The following SYNPO2 variants were observed in gnomAD, a reference collection of about 807,000 sequenced individuals.
SYNPO2 encodes the protein synaptopodin 2, also known as synaptopodin-2.
Under a neutral mutation model 85.0 loss-of-function variants are expected in SYNPO2, and 56 were observed. The ratio of observed to expected loss-of-function variants is 0.66; its 90% CI spans 0.53 to 0.82. The LOEUF is 0.82. SYNPO2 is among the 40% of genes least tolerant of loss of function. The pLI is 0.00. For missense variants in SYNPO2, 1,575 were observed against 1,534.2 expected, an observed-to-expected ratio of 1.03 and a Z score of -0.44; for synonymous variants, 602 against 591.1, an observed-to-expected ratio of 1.02 and a Z score of -0.27.
chr4:118,927,776 T>TGATAGATAGATA (rs70944822), intron 1 of SYNPO2, among the ~76,000 whole-genome samples: 15,445 of 101,982 alleles, frequency 0.15, 1,693 homozygotes, highest in East Asian at 0.3. Flanking sequence ...GATAGATAGA[T>TGATAGATAGATA]GATAGATAGA....
intron 1 of SYNPO2, among the ~76,000 whole-genome samples, chr4:118,980,937 A>C (rs1301474663): frequency 6.6e-6 from 1 of 152,216 alleles, no homozygotes; most frequent in African/African-American, 2.4e-5. Flanking sequence ...ACTTGCTCAC[A>C]GTCACATACC....
At chr4:118,917,874 A>C (rs1396449883) in intron 1 of SYNPO2, among the ~76,000 whole-genome samples, 1 of 152,220 alleles carries the variant, frequency 6.6e-6, no homozygotes, top group Non-Finnish European at 1.5e-5. Flanking sequence ...ATGTAAGGAG[A>C]ATAACATGAT....
intron 1 of SYNPO2, among the ~76,000 whole-genome samples, chr4:119,020,734 T>C (rs1431721371): frequency 6.6e-6 from 1 of 152,200 alleles, no homozygotes. Flanking sequence ...ATTACCTACC[T>C]AATTTTTTTT....
intron 1 of SYNPO2, among the ~76,000 whole-genome samples, chr4:118,855,626 C>T (rs1196920651): frequency 6.6e-6 from 1 of 151,476 alleles, no homozygotes. Context: ...TTGCCAGTAA[C>T]TTTGTGAAGC....
At chr4:119,000,692 C>T (rs1428314070) in intron 1 of SYNPO2, among the ~76,000 whole-genome samples, 1 of 152,130 alleles carries the variant, frequency 6.6e-6, no homozygotes, top group African/African-American at 2.4e-5. Flanking sequence ...ATCTGAGTTG[C>T]CAGGGCTGGA....
rs28556653 is a variant in SYNPO2, at chr4:118,949,923, A to G, written c.105+60782A>G. On this transcript the variant is annotated intron_variant, in intron 1 of 4. Coordinates refer to ENST00000307142, the MANE Select transcript of SYNPO2 (RefSeq NM_133477.3). ...ATTTTTGTTTCAACTCTATTTTCAAAATGATTTATAATGAAAGTTACTGTC... is the reference window on the plus strand; with the variant it reads ...ATTTTTGTTTCAACTCTATTTTCAAGATGATTTATAATGAAAGTTACTGTC... Among the ~76,000 whole-genome samples the G allele has an allele frequency of 3.4e-3, 513 of 152,300 alleles. 3 individuals are homozygous for G. Among genetic ancestry groups the G allele is most frequent in the African/African-American group, 0.01 (431 of 41,564 alleles).
intron 1 of SYNPO2, among the ~76,000 whole-genome samples, chr4:118,881,861 C>G (rs1393757835): frequency 6.6e-6 from 1 of 152,232 alleles, no homozygotes; most frequent in East Asian, 1.9e-4. Flanking sequence ...TGTTTCATTC[C>G]TGGAAACCAC....
At chr4:119,027,504 G>C in intron 3 of SYNPO2, 66 bp downstream of exon 3, 1 of 1,401,072 alleles carries the variant, frequency 7.1e-7, no homozygotes, top group Non-Finnish European at 9.4e-7. Context: ...TTCTTTGCTT[G>C]CATGAGTTTT....
At chr4:118,992,388 T>A (rs897239233) in intron 1 of SYNPO2, among the ~76,000 whole-genome samples, 2 of 152,006 alleles carry the variant, frequency 1.3e-5, no homozygotes, top group Non-Finnish European at 2.9e-5. Context: ...ATGTAAGAAA[T>A]AATGGAGTGA....
intron 1 of SYNPO2, among the ~76,000 whole-genome samples, chr4:119,007,323 C>T (rs1396166885): frequency 4.5e-4 from 10 of 21,980 alleles, no homozygotes; most frequent in African/African-American, 1.4e-3. Context: ...TATAGGCATA[C>T]TCTATTTTAC....
chr4:118,961,725 G>A (rs1735104320), intron 1 of SYNPO2, among the ~76,000 whole-genome samples: 1 of 152,032 alleles, frequency 6.6e-6, no homozygotes, highest in Admixed American at 6.5e-5. Flanking sequence ...CTACTACCTG[G>A]CCCAGAGTAA....
At position 118,956,144 on chromosome 4, in the gene SYNPO2, T is replaced by C. The variant is rs548474696; in HGVS notation, c.105+67003T>C. ...TACAAACTGGAAATGAGAGGAGAGATTGGGGTTTTGAAGACACTGATTTGG... is the reference window on the plus strand; with the variant it reads ...TACAAACTGGAAATGAGAGGAGAGACTGGGGTTTTGAAGACACTGATTTGG... On this transcript the variant is annotated intron_variant, in intron 1 of 4. Coordinates refer to ENST00000307142, the MANE Select transcript of SYNPO2 (RefSeq NM_133477.3). Among the ~76,000 whole-genome samples, 116 of 151,868 alleles carry C rather than the reference T, an allele frequency of 7.6e-4. 1 individual carries two copies. The highest frequency in any genetic ancestry group is 2.7e-3 in the African/African-American group (110 of 41,434).
chr4:119,022,039 T>C (rs1737742974), intron 1 of SYNPO2, among the ~76,000 whole-genome samples: 3 of 152,230 alleles, frequency 2.0e-5, no homozygotes, highest in Admixed American at 2.0e-4. Context: ...CTTTCTTTTT[T>C]GCTAAAGTTT....
In SYNPO2 at chr4:119,035,785, C is replaced by G. The variant is rs960073593; in HGVS notation, c.3252+3758C>G. On this transcript the variant is annotated intron_variant, in intron 4 of 4. Coordinates refer to ENST00000307142, the MANE Select transcript of SYNPO2 (RefSeq NM_133477.3). ...TGAGAATTATCACATAGCCTAAATT[C>G]TAGCCTGGCAGCAAGAGTCACATCT... 13 of 974,482 alleles carry G rather than the reference C, an allele frequency of 1.3e-5. No homozygotes were observed. In the African/African-American group the frequency reaches 1.7e-4, roughly 13 times the overall value. 60.4% of individuals were successfully genotyped at this position (974,482 alleles called of 1,614,324 possible). A position where few individuals can be genotyped will look rare whatever the true frequency, so the allele number is the denominator to read the frequency against.
At chr4:118,876,098 T>C (rs2110575425) in intron 1 of SYNPO2, among the ~76,000 whole-genome samples, 1 of 152,314 alleles carries the variant, frequency 6.6e-6, no homozygotes, top group African/African-American at 2.4e-5. Flanking sequence ...CATATGAACA[T>C]GTGAGCACAT....
chr4:119,030,134 TGAC>T lies in SYNPO2; in HGVS notation c.1363_1365del (p.Asp455del), dbSNP rs749821503. The T allele has an allele frequency of 1.1e-5, 17 of 1,613,888 alleles. No homozygotes were observed. Among genetic ancestry groups the T allele is most frequent in the South Asian group, 3.3e-5 (3 of 91,082 alleles). ...TGGATGAAGAGTTATTGTCTGACGT[TGAC>T]GACAACACACAAGTTGTGAACTTTG... On this transcript the variant is annotated inframe_deletion, in exon 4 of 5. Coordinates refer to ENST00000307142, the MANE Select transcript of SYNPO2 (RefSeq NM_133477.3).
At chr4:118,857,399 T>C (rs1212656529) in intron 1 of SYNPO2, among the ~76,000 whole-genome samples, 3 of 151,920 alleles carry the variant, frequency 2.0e-5, no homozygotes, top group Non-Finnish European at 4.4e-5. Flanking sequence ...ACAAAGGTAA[T>C]AGCTGTACAT....
Position 119,036,418 on chromosome 4 carries a change from G to A in SYNPO2, c.3252+4391G>A, listed in dbSNP as rs369387204. ...ATCATTGGACTCTGGGGGACACAAAGATGCCTGTGACACTTTGGTGTTGCC... is the reference window on the plus strand; with the variant it reads ...ATCATTGGACTCTGGGGGACACAAAAATGCCTGTGACACTTTGGTGTTGCC... On this transcript the variant is annotated intron_variant, in intron 4 of 4. Transcript: ENST00000307142. 2.8e-5 allele frequency: 28 copies of A among 985,376 alleles called. No individual in the cohort carries two copies. In the South Asian group the frequency reaches 1.2e-3, roughly 43 times the overall value. 61.0% of individuals were successfully genotyped at this position (985,376 alleles called of 1,614,324 possible). A position where few individuals can be genotyped will look rare whatever the true frequency, so the allele number is the denominator to read the frequency against.
intron 1 of SYNPO2, among the ~76,000 whole-genome samples, chr4:118,965,517 T>C (rs948606289): frequency 6.6e-6 from 1 of 152,184 alleles, no homozygotes; most frequent in Non-Finnish European, 1.5e-5. Flanking sequence ...TTTTCATACC[T>C]AAATCCATCT....
Sources: allele counts gnomAD v4.1 joint callset (sites outside exome capture counted in the v4.1 genomes callset), GRCh38; gene constraint gnomAD v4.1.1; transcripts MANE v1.5; gene names NCBI Gene and HGNC (gene_info 2026-07-23, HGNC 2026-07-21).